Variants in KBTBD11 observed in about 807,000 individuals in gnomAD.
KBTBD11 encodes the protein kelch repeat and BTB domain-containing protein 11.
For missense variants in KBTBD11, 1,390 were observed against 1,001.8 expected, an observed-to-expected ratio of 1.39 and a Z score of -5.23; for synonymous variants, 747 against 499.0, an observed-to-expected ratio of 1.50 and a Z score of -6.63.
chr8:2,002,899 C>G lies in KBTBD11; in HGVS notation c.1707C>G (p.Gly569=). 1 of 1,321,804 alleles carries G rather than the reference C, an allele frequency of 7.6e-7. No individual in the cohort carries two copies. The highest frequency in any genetic ancestry group is 9.6e-7 in the Non-Finnish European group (1 of 1,039,864). 81.9% of individuals were successfully genotyped at this position (1,321,804 alleles called of 1,614,324 possible). A position where few individuals can be genotyped will look rare whatever the true frequency, so the allele number is the denominator to read the frequency against. ...DGAIYCVSRA[G]TWRFQPAREG... The stretch of plus-strand genomic sequence containing the variant: ...CCATCTACTGCGTGAGCCGCGCGGG[C>G]ACCTGGCGCTTCCAGCCTGCCCGGG... Residue 569 remains glycine, a synonymous_variant, in exon 2 of 2, where the codon GGC becomes GGG. Coordinates refer to ENST00000320248, the MANE Select transcript of KBTBD11 (RefSeq NM_014867.3). This position sits in a 1 kb window ranked among gnomAD's most constrained non-coding sequence, Gnocchi z 4.1.
chr8:1,983,253 G>A (rs186717008), intron 1 of KBTBD11, among the ~76,000 whole-genome samples: 1 of 152,272 alleles, frequency 6.6e-6, no homozygotes, highest in Admixed American at 6.5e-5. Context: ...CTGCCACCCT[G>A]TGTGCACCCC....
chr8:1,979,041 C>T (rs1386222423), intron 1 of KBTBD11, among the ~76,000 whole-genome samples: 1 of 152,156 alleles, frequency 6.6e-6, no homozygotes, highest in East Asian at 1.9e-4. Flanking sequence ...TCCAGGGAAA[C>T]ACAACCAACT....
intron 1 of KBTBD11, among the ~76,000 whole-genome samples, chr8:1,997,675 A>G (rs1428517586): frequency 1.3e-5 from 2 of 152,254 alleles, no homozygotes; most frequent in Non-Finnish European, 2.9e-5. Flanking sequence ...GGTGTCAGAA[A>G]CAACATCGCT....
At chr8:1,989,039 T>C (rs1487362330) in intron 1 of KBTBD11, among the ~76,000 whole-genome samples, 1 of 152,198 alleles carries the variant, frequency 6.6e-6, no homozygotes, top group Non-Finnish European at 1.5e-5. Flanking sequence ...AGAGTCAAGT[T>C]GACCCAAACA....
chr8:1,992,186 G>GGAGCAC (rs1253525498), intron 1 of KBTBD11, among the ~76,000 whole-genome samples: 2 of 152,122 alleles, frequency 1.3e-5, no homozygotes, highest in African/African-American at 4.8e-5. Context: ...TGCCTGAAGG[G>GGAGCAC]GAGCACGGGT....
At chr8:1,996,745 C>T (rs1001265545) in intron 1 of KBTBD11, among the ~76,000 whole-genome samples, 1 of 152,134 alleles carries the variant, frequency 6.6e-6, no homozygotes, top group African/African-American at 2.4e-5. Context: ...CTAATGTCCA[C>T]ATTAAATATA....
chr8:1,977,057 T>G (rs1199992525), intron 1 of KBTBD11, among the ~76,000 whole-genome samples: 1 of 151,866 alleles, frequency 6.6e-6, no homozygotes, highest in Non-Finnish European at 1.5e-5. Flanking sequence ...AACACAGATT[T>G]GTAAACTTTC....
At chr8:1,991,190 G>A (rs183074325) in intron 1 of KBTBD11, among the ~76,000 whole-genome samples, 1 of 152,354 alleles carries the variant, frequency 6.6e-6, no homozygotes, top group African/African-American at 2.4e-5. Context: ...GTTTGGCAGT[G>A]ACCTTGTCCT....
At chr8:1,997,400 T>TG (rs982808010) in intron 1 of KBTBD11, among the ~76,000 whole-genome samples, 26 of 144,820 alleles carry the variant, frequency 1.8e-4, no homozygotes, top group Non-Finnish European at 3.4e-4. Context: ...TGGGTCATTC[T>TG]GGAAAAAAAA....
Position 2,002,484 on chromosome 8 carries a change from G to A in KBTBD11, c.1292G>A (p.Arg431His). 3.3e-6 allele frequency: 5 copies of A among 1,507,680 alleles called. No individual in the cohort carries two copies. Among genetic ancestry groups the A allele is most frequent in the Admixed American group, 4.3e-5 (2 of 46,528 alleles). 93.4% of individuals were successfully genotyped at this position (1,507,680 alleles called of 1,614,324 possible). A position where few individuals can be genotyped will look rare whatever the true frequency, so the allele number is the denominator to read the frequency against. Residue 431 changes from arginine to histidine, a missense_variant, in exon 2 of 2, where the codon CGC (arginine) becomes CAC (histidine). Arg to His is a conservative substitution (Grantham distance 29). Transcript: ENST00000320248. This position sits in a 1 kb window ranked among gnomAD's most constrained non-coding sequence, Gnocchi z 4.1. ...CLLSVERYDP[R>H]ADRWAPVAPL... is the part of the protein sequence containing the mutation. Reference sequence around the variant, plus strand: ...CTCAGCGTGGAGCGCTACGACCCGCGCGCCGACCGCTGGGCCCCCGTGGCG... The same window carrying A: ...CTCAGCGTGGAGCGCTACGACCCGCACGCCGACCGCTGGGCCCCCGTGGCG...
intron 1 of KBTBD11, among the ~76,000 whole-genome samples, chr8:1,990,202 C>T (rs28651636): frequency 2.6e-5 from 4 of 151,188 alleles, no homozygotes; most frequent in African/African-American, 4.9e-5. Context: ...TGGGCCTTGG[C>T]GCCCTGTCCA....
Position 1,973,744 on chromosome 8 carries a change from G to A in KBTBD11, c.-1100G>A, listed in dbSNP as rs1310165025. ...GCTCCGCGCGGCCTGGAGAGGCGGAGAGGCCTGTCCACCGCCCCCTCTGCC... is the reference window on the plus strand; with the variant it reads ...GCTCCGCGCGGCCTGGAGAGGCGGAAAGGCCTGTCCACCGCCCCCTCTGCC... On this transcript the variant is annotated 5_prime_UTR_variant, in exon 1 of 2. Transcript: ENST00000320248. The A allele has an allele frequency of 4.1e-6, 4 of 983,846 alleles. No homozygotes were observed. The highest frequency in any genetic ancestry group is 6.2e-5 in the Admixed American group (1 of 16,140). 60.9% of individuals were successfully genotyped at this position (983,846 alleles called of 1,614,324 possible).
At position 2,001,504 on chromosome 8, in the gene KBTBD11, G is replaced by C. The variant is rs1484070982; in HGVS notation, c.312G>C (p.Ala104=). Residue 104 remains alanine, a synonymous_variant, in exon 2 of 2, where the codon GCG becomes GCC. Coordinates refer to ENST00000320248, the MANE Select transcript of KBTBD11 (RefSeq NM_014867.3). ...PEERACPEEP[A]APSPEPRVWL... is the part of the protein sequence containing the mutation. ...AGCGCGCGTGCCCGGAAGAGCCCGC[G>C]GCGCCGTCCCCCGAACCGCGCGTTT... 2.2e-6 allele frequency: 3 copies of C among 1,394,466 alleles called. No homozygotes were observed. The highest frequency in any genetic ancestry group is 1.5e-5 in the African/African-American group (1 of 65,720). 86.4% of individuals were successfully genotyped at this position (1,394,466 alleles called of 1,614,324 possible). A position where few individuals can be genotyped will look rare whatever the true frequency, so the allele number is the denominator to read the frequency against.
At chr8:1,977,102 C>A (rs1007654374) in intron 1 of KBTBD11, among the ~76,000 whole-genome samples, 1 of 150,564 alleles carries the variant, frequency 6.6e-6, no homozygotes, top group Non-Finnish European at 1.5e-5. Flanking sequence ...TTTTTAAGCT[C>A]ATCATCTATC....
chr8:1,986,236 GTC>G (rs1816703250), intron 1 of KBTBD11, among the ~76,000 whole-genome samples: 1 of 152,188 alleles, frequency 6.6e-6, no homozygotes, highest in South Asian at 2.1e-4. Flanking sequence ...CCATCACAAA[GTC>G]TGAGTGGCAA....
chr8:1,993,134 A>G (rs1816979978), intron 1 of KBTBD11, among the ~76,000 whole-genome samples: 1 of 151,898 alleles, frequency 6.6e-6, no homozygotes, highest in Middle Eastern at 3.2e-3. Flanking sequence ...TTTAGTAGGG[A>G]AAGGGTCTCC....
chr8:2,001,964 T>G lies in KBTBD11; in HGVS notation c.772T>G (p.Phe258Val). Residue 258 changes from phenylalanine to valine, a missense_variant, in exon 2 of 2, where the codon TTC (phenylalanine) becomes GTC (valine). Phe to Val is a conservative substitution (Grantham distance 50, BLOSUM62 -1). Coordinates refer to ENST00000320248, the MANE Select transcript of KBTBD11 (RefSeq NM_014867.3). Reference sequence around the variant, plus strand: ...CGAGCTGCGCGACGCCGCCTACTGCTTCATGAGCGACCACTATCTGGAGGT... The same window carrying G: ...CGAGCTGCGCGACGCCGCCTACTGCGTCATGAGCGACCACTATCTGGAGGT... ...LNELRDAAYCFMSDHYLEVLR... is the reference protein window; with the variant it reads ...LNELRDAAYCVMSDHYLEVLR... 1 of 1,472,658 alleles carries G rather than the reference T, an allele frequency of 6.8e-7. No homozygotes were observed. Among genetic ancestry groups the G allele is most frequent in the Admixed American group, 2.0e-5 (1 of 50,780 alleles). The allele number at this position is 1,472,658 out of a possible 1,614,324, so 91.2% of individuals were successfully genotyped here. A position where few individuals can be genotyped will look rare whatever the true frequency, so the allele number is the denominator to read the frequency against.
At chr8:1,985,788 G>T (rs1213837142) in intron 1 of KBTBD11, among the ~76,000 whole-genome samples, 2 of 152,222 alleles carry the variant, frequency 1.3e-5, no homozygotes. Flanking sequence ...GTGAGACCTT[G>T]TCTCTAACAA....
rs543943690 is a variant in KBTBD11, at chr8:2,004,116, G to C, written c.*1052G>C. On this transcript the variant is annotated 3_prime_UTR_variant, in exon 2 of 2. Coordinates refer to ENST00000320248, the MANE Select transcript of KBTBD11 (RefSeq NM_014867.3). ...TACAATCAGTATTCTAAGTGTGGCC[G>C]AGTGACAGTGGGCATAGATTTATAA... is the stretch of plus-strand genomic sequence containing the variant. The C allele has an allele frequency of 5.4e-5, 9 of 167,066 alleles. No homozygotes were observed. In the South Asian group the frequency reaches 1.9e-3, roughly 35 times the overall value. The allele number at this position is 167,066 out of a possible 1,614,324, so 10.3% of individuals were successfully genotyped here.
Sources: gnomAD v4.1 joint callset for allele counts (sites outside exome capture counted in the v4.1 genomes callset) on GRCh38, gnomAD v4.1.1 for gene constraint, Gnocchi (gnomAD v3.1) non-coding constraint, MANE v1.5 for transcripts, NCBI Gene and HGNC (gene_info 2026-07-23, HGNC 2026-07-21) for gene names.